The following ITGA11 variants were observed in gnomAD, a reference collection of about 807,000 sequenced individuals.
ITGA11 encodes integrin alpha-11.
In ITGA11, 97 loss-of-function variants were observed where a neutral mutation model predicts 141.9. That is an observed-to-expected ratio of 0.68 (90% CI 0.58 to 0.81). The LOEUF (loss-of-function observed/expected upper bound fraction) is 0.81. Ranked by LOEUF, ITGA11 falls within the 30% of genes least tolerant of loss-of-function variation. The pLI is 0.00. For missense variants in ITGA11, 1,387 were observed against 1,559.2 expected (o/e 0.89, Z 1.86); for synonymous variants, 658 against 624.6 (o/e 1.05, Z -0.80).
intron 11 of ITGA11, 58 bp downstream of exon 11, chr15:68,339,441 GC>G: frequency 6.5e-7 from 1 of 1,549,220 alleles, no homozygotes; most frequent in Non-Finnish European, 8.7e-7. Flanking sequence ...GGGTTGTGCA[GC>G]CCCTGGGTGC....
At chr15:68,329,739 G>A (rs550220994) in intron 15 of ITGA11, among the ~76,000 whole-genome samples, 42 of 152,268 alleles carry the variant, frequency 2.8e-4, no homozygotes, top group African/African-American at 9.9e-4. Flanking sequence ...GCAAGCCCAG[G>A]CTGCTGTTGC....
At position 68,332,624 on chromosome 15, in the gene ITGA11, A is replaced by C. The variant is rs149730181; in HGVS notation, c.1426-146T>G. ...AATGGATCCTCCCTTCTCACGCGCT[A>C]CCTCTCTCTCCTGTCCCTCAGAGTG... On this transcript the variant is annotated intron_variant, in intron 12 of 29. Coordinates refer to ENST00000315757, the MANE Select transcript of ITGA11 (RefSeq NM_001004439.2). The C allele has an allele frequency of 4.6e-4, 394 of 861,528 alleles. 1 individual carries two copies. Among genetic ancestry groups the C allele is most frequent in the African/African-American group, 3.5e-3 (203 of 58,696 alleles). 53.4% of individuals were successfully genotyped at this position (861,528 alleles called of 1,614,324 possible).
Position 68,315,642 on chromosome 15 carries a change from G to A in ITGA11, c.2792+9C>T, listed in dbSNP as rs374688880. ...AGCTTTGGGGAGAAGGAGCAGGCAC[G>A]GCCCTGACCTGCCTGCAGCGAGCTC... is the stretch of plus-strand genomic sequence containing the variant. On this transcript the variant is annotated intron_variant, in intron 22 of 29. Coordinates refer to ENST00000315757, the MANE Select transcript of ITGA11 (RefSeq NM_001004439.2). 1.2e-5 allele frequency: 19 copies of A among 1,611,126 alleles called. No individual in the cohort carries two copies. Among genetic ancestry groups the A allele is most frequent in the African/African-American group, 4.0e-5 (3 of 74,882 alleles).
Position 68,400,627 on chromosome 15 carries a change from ATAAATAT to A in ITGA11, c.164+2284_164+2290del, listed in dbSNP as rs1469964472. Among the ~76,000 whole-genome samples, 137 of 81,636 alleles carry A rather than the reference ATAAATAT, an allele frequency of 1.7e-3. 5 individuals carry two copies. The highest frequency in any genetic ancestry group is 7.1e-3 in the African/African-American group (133 of 18,666). The allele number at this position is 81,636 out of a possible 152,430, so 53.6% of individuals were successfully genotyped here. A position where few individuals can be genotyped will look rare whatever the true frequency, so the allele number is the denominator to read the frequency against. ...TATAATATATAATATATATTATATAATAAATATTATAATATTATATATTATATAATAA... is the reference window on the plus strand; with the variant it reads ...TATAATATATAATATATATTATATAATATAATATTATATATTATATAATAA... On this transcript the variant is annotated intron_variant, in intron 2 of 29. Coordinates refer to ENST00000315757, the MANE Select transcript of ITGA11 (RefSeq NM_001004439.2).
At chr15:68,380,935 A>G (rs1895846853) in intron 2 of ITGA11, among the ~76,000 whole-genome samples, 2 of 152,292 alleles carry the variant, frequency 1.3e-5, no homozygotes, top group South Asian at 2.1e-4. Context: ...GGATGCCTAC[A>G]TGACTGACAA....
chr15:68,373,897 T>C (rs796926389), intron 2 of ITGA11, among the ~76,000 whole-genome samples: 3 of 152,302 alleles, frequency 2.0e-5, no homozygotes, highest in African/African-American at 7.2e-5. Flanking sequence ...TTTGAACCCC[T>C]GGATCAAACT....
intron 10 of ITGA11, among the ~76,000 whole-genome samples, chr15:68,346,495 T>C (rs1328344766): frequency 6.6e-6 from 1 of 152,234 alleles, no homozygotes; most frequent in Admixed American, 6.5e-5. Flanking sequence ...CCAGCTAGGC[T>C]ATGAATGGCT....
In ITGA11 at chr15:68,328,597, T is replaced by G. The variant is rs145743406; in HGVS notation, c.1902-335A>C. 5.4e-3 allele frequency among the ~76,000 whole-genome samples: 826 copies of G among 152,272 alleles called. 5 individuals carry two copies. The highest frequency in any genetic ancestry group is 0.019 in the African/African-American group (792 of 41,540). ...TATAGCAGTGGTTCCCCACCCTGGA[T>G]GCACATGTGAGTCATCTGAAGAGCT... is the stretch of plus-strand genomic sequence containing the variant. On this transcript the variant is annotated intron_variant, in intron 15 of 29. Coordinates refer to ENST00000315757, the MANE Select transcript of ITGA11 (RefSeq NM_001004439.2). This position sits in a 1 kb window ranked among gnomAD's most constrained non-coding sequence, Gnocchi z 4.8.
intron 7 of ITGA11, among the ~76,000 whole-genome samples, chr15:68,356,118 C>T (rs1031453420): frequency 1.5e-4 from 23 of 151,692 alleles, no homozygotes; most frequent in African/African-American, 4.1e-4. Context: ...TTTTTTGAGA[C>T]GGAGTCTTGC....
At position 68,403,083 on chromosome 15, in the gene ITGA11, T is replaced by G. The variant is rs1896551065; in HGVS notation, c.53-54A>C. The G allele has an allele frequency of 4.1e-6, 5 of 1,227,888 alleles. No homozygotes were observed. In the East Asian group the frequency reaches 1.2e-4, roughly 30 times the overall value. The allele number at this position is 1,227,888 out of a possible 1,614,324, so 76.1% of individuals were successfully genotyped here. On this transcript the variant is annotated intron_variant, in intron 1 of 29. Transcript: ENST00000315757. Reference sequence around the variant, plus strand: ...CAGGGGAGTCAGACAGGCAGAGGTGTAGGCCCTGGGCTGTGTCAGGACCCA... The same window carrying G: ...CAGGGGAGTCAGACAGGCAGAGGTGGAGGCCCTGGGCTGTGTCAGGACCCA...
rs1424422125 is a variant in ITGA11 at position 68,307,437 on chromosome 15, A to T, written c.3292T>A (p.Tyr1098Asn). ...TTGACCATGATTTTCATGGATTTGTACTTGAGCTGTGCAATCAGAGGGCTC... is the reference window on the plus strand; with the variant it reads ...TTGACCATGATTTTCATGGATTTGTTCTTGAGCTGTGCAATCAGAGGGCTC... ...LWLRSLKALKYKSMKIMVNAA... is the reference protein window; with the variant it reads ...LWLRSLKALKNKSMKIMVNAA... The change falls in exon 28 of 30, where the codon TAC (tyrosine) becomes AAC (asparagine). Residue 1098 changes from tyrosine to asparagine, a missense_variant. Coordinates refer to ENST00000315757, the MANE Select transcript of ITGA11 (RefSeq NM_001004439.2). This position sits in a 1 kb window ranked among gnomAD's most constrained non-coding sequence, Gnocchi z 6.1. 1.3e-6 allele frequency: 2 copies of T among 1,555,964 alleles called. No individual in the cohort carries two copies. Among genetic ancestry groups the T allele is most frequent in the Non-Finnish European group, 1.7e-6 (2 of 1,148,994 alleles).
At chr15:68,313,172 G>A (rs1027665963) in intron 23 of ITGA11, among the ~76,000 whole-genome samples, 3 of 152,162 alleles carry the variant, frequency 2.0e-5, no homozygotes, top group African/African-American at 7.2e-5. Flanking sequence ...CCATGCCACT[G>A]TGCTCCCTTC....
At chr15:68,425,849 G>A (rs1425905610) in intron 1 of ITGA11, among the ~76,000 whole-genome samples, 1 of 152,236 alleles carries the variant, frequency 6.6e-6, no homozygotes, top group Non-Finnish European at 1.5e-5. Flanking sequence ...AAAGCTGTCA[G>A]CCCCAGCTGC....
intron 2 of ITGA11, among the ~76,000 whole-genome samples, chr15:68,397,959 A>AT (rs1415712282): frequency 2.0e-5 from 3 of 149,500 alleles, no homozygotes; most frequent in African/African-American, 7.3e-5. Flanking sequence ...ATGCTGAGAG[A>AT]TTTTGTCACC....
chr15:68,306,787 A>T (rs1893211866), intron 28 of ITGA11, among the ~76,000 whole-genome samples: 1 of 152,164 alleles, frequency 6.6e-6, no homozygotes, highest in Non-Finnish European at 1.5e-5. Flanking sequence ...CGCCTCTGTA[A>T]TAGGAATGTT....
At chr15:68,398,665 TA>T (rs1467349132) in intron 2 of ITGA11, among the ~76,000 whole-genome samples, 1 of 148,108 alleles carries the variant, frequency 6.8e-6, no homozygotes, top group Non-Finnish European at 1.5e-5. Context: ...AAAAATATTT[TA>T]TTTCTAATAG....
At chr15:68,372,199 T>G (rs1040161070) in intron 2 of ITGA11, among the ~76,000 whole-genome samples, 1 of 152,174 alleles carries the variant, frequency 6.6e-6, no homozygotes, top group Non-Finnish European at 1.5e-5. Context: ...GCATTACGTG[T>G]GCCTGTTGGG....
chr15:68,297,432 C>CTTTTT lies in ITGA11; in HGVS notation c.*5622_*5626dup, dbSNP rs35780086. On this transcript the variant is annotated 3_prime_UTR_variant, in exon 30 of 30. Transcript: ENST00000315757. ...ATCTGTACAGTTCTGCACTTCTGAGCTTTTTTTTTTTTTTTTTTTTTATCC... is the reference window on the plus strand; with the variant it reads ...ATCTGTACAGTTCTGCACTTCTGAGCTTTTTTTTTTTTTTTTTTTTTTTTTTATCC... The CTTTTT allele has an allele frequency of 3.2e-4, 31 of 95,784 alleles. No individual in the cohort carries two copies. The highest frequency in any genetic ancestry group is 1.2e-3 in the East Asian group (4 of 3,412). The allele number at this position is 95,784 out of a possible 1,614,324, so 5.9% of individuals were successfully genotyped here.
rs573734021 is a variant in ITGA11 at position 68,331,905 on chromosome 15, T to C, written c.1724A>G (p.Tyr575Cys). The change falls in exon 14 of 30, where the codon TAC becomes TGC. Residue 575 changes from tyrosine (Y) to cysteine (C), a missense_variant. Transcript: ENST00000315757. Reference sequence around the variant, plus strand: ...GCTGCCTCGGAAGCCGTGGAAGATGTAGATGGCTCCTGCGTGGTTGTCCTC... The same window carrying C: ...GCTGCCTCGGAAGCCGTGGAAGATGCAGATGGCTCCTGCGTGGTTGTCCTC... ...PLEDNHAGAI[Y>C]IFHGFRGSIL... 6.2e-7 allele frequency: 1 copy of C among 1,613,440 alleles called. No individual in the cohort carries two copies. Among genetic ancestry groups the C allele is most frequent in the Non-Finnish European group, 8.5e-7 (1 of 1,179,744 alleles).
Sources: allele counts gnomAD v4.1 joint callset (sites outside exome capture counted in the v4.1 genomes callset), GRCh38; gene constraint gnomAD v4.1.1; non-coding constraint Gnocchi (gnomAD v3.1); transcripts MANE v1.5; gene names NCBI Gene and HGNC (gene_info 2026-07-23, HGNC 2026-07-21).